Variants in THOC2 observed in about 807,000 individuals in gnomAD.
THOC2 encodes THO complex 2.
Under a neutral mutation model 128.4 loss-of-function variants are expected in THOC2, and 10 were observed. That is an observed-to-expected ratio of 0.08 (90% CI 0.05 to 0.13). The LOEUF (loss-of-function observed/expected upper bound fraction) is 0.13, where lower values mean the gene tolerates loss of function less well. THOC2 is among the 10% of genes least tolerant of loss of function. The probability of loss-of-function intolerance (pLI) is 1.00; values close to 1 mark genes in which losing one functional copy is unlikely to be tolerated. For synonymous variants in THOC2, 393 were observed against 396.9 expected (o/e 0.99, Z 0.12); for missense variants, 535 against 1,155.7 (o/e 0.46, Z 7.79).
At chrX:123,661,203 G>C (rs1603281858) in intron 12 of THOC2, among the ~76,000 whole-genome samples, 1 of 111,676 alleles carries the variant, frequency 9.0e-6, no homozygotes, top group South Asian at 3.7e-4. Context: ...TCAGGAGTTC[G>C]AGACCAGCGT....
intron 8 of THOC2, among the ~76,000 whole-genome samples, chrX:123,672,047 T>C (rs1191164009): frequency 3.6e-5 from 4 of 112,494 alleles, no homozygotes; most frequent in African/African-American, 1.3e-4. Context: ...CACAGCTGAA[T>C]AGCATAAGTG....
At chrX:123,717,923 C>A (rs1365648286) in intron 1 of THOC2, among the ~76,000 whole-genome samples, 1 of 112,468 alleles carries the variant, frequency 8.9e-6, no homozygotes, top group Non-Finnish European at 1.9e-5. Context: ...CGGATTCAAC[C>A]AACTGTAGAT....
rs148774909 is a variant in THOC2 at position 123,650,004 on chromosome X, G to A, written c.1387-4629C>T. On this transcript the variant is annotated intron_variant, in intron 12 of 38. Coordinates refer to ENST00000245838, the MANE Select transcript of THOC2 (RefSeq NM_001081550.2). ...AAGAGCAACCCCAAGACACATAATC[G>A]TCAGATTCACCAAGGTTGAAACGAA... Among the ~76,000 whole-genome samples, 13 of 111,043 alleles carry A rather than the reference G, an allele frequency of 1.2e-4. No individual in the cohort carries two copies. In the East Asian group the frequency reaches 2.3e-3, roughly 19 times the overall value.
intron 12 of THOC2, among the ~76,000 whole-genome samples, chrX:123,657,654 A>AC (rs2048656570): frequency 9.1e-6 from 1 of 110,066 alleles, no homozygotes. Context: ...TAAAAAAAAA[A>AC]ACTAGAATTC....
chrX:123,708,050 C>A (rs2051010548), intron 2 of THOC2, among the ~76,000 whole-genome samples: 1 of 108,923 alleles, frequency 9.2e-6, no homozygotes. Flanking sequence ...GAACTTAAGC[C>A]CAGGAGATCA....
intron 1 of THOC2, among the ~76,000 whole-genome samples, chrX:123,731,472 T>C (rs1325919372): frequency 8.9e-6 from 1 of 112,216 alleles, no homozygotes; most frequent in Non-Finnish European, 1.9e-5. Context: ...GCATGAGCTG[T>C]CCTGAGAAGT....
chrX:123,656,888 T>C (rs1288485081), intron 12 of THOC2, among the ~76,000 whole-genome samples: 1 of 109,033 alleles, frequency 9.2e-6, no homozygotes, highest in African/African-American at 3.4e-5. Context: ...CGCATGCTTA[T>C]AGTCCCAGCT....
intron 19 of THOC2, among the ~76,000 whole-genome samples, chrX:123,635,252 A>C: frequency 8.9e-6 from 1 of 111,919 alleles, no homozygotes; most frequent in Non-Finnish European, 1.9e-5. Context: ...AATGATATAT[A>C]TTCTCCTGGC....
intron 8 of THOC2, among the ~76,000 whole-genome samples, chrX:123,681,723 A>G (rs2049790608): frequency 8.9e-6 from 1 of 112,340 alleles, no homozygotes; most frequent in African/African-American, 3.2e-5. Flanking sequence ...TTAGATCATC[A>G]TGTGAACATA....
intron 2 of THOC2, among the ~76,000 whole-genome samples, chrX:123,707,962 T>C (rs1436468464): frequency 9.7e-6 from 1 of 103,218 alleles, no homozygotes; most frequent in African/African-American, 3.6e-5. Context: ...ACCTCATCTC[T>C]ACTAAAAAAA....
chrX:123,641,234 T>TA (rs935811187), intron 15 of THOC2, among the ~76,000 whole-genome samples: 2 of 112,386 alleles, frequency 1.8e-5, no homozygotes, highest in African/African-American at 6.4e-5. Flanking sequence ...TATGAATTCT[T>TA]ACAGTTCAAA....
chrX:123,677,472 T>G (rs1400824480), intron 8 of THOC2, among the ~76,000 whole-genome samples: 1 of 112,362 alleles, frequency 8.9e-6, no homozygotes, highest in Non-Finnish European at 1.9e-5. Flanking sequence ...TTTTTTTAAC[T>G]TTTTGACTTT....
chrX:123,725,740 A>G (rs1416965129), intron 1 of THOC2, among the ~76,000 whole-genome samples: 1 of 111,615 alleles, frequency 9.0e-6, no homozygotes, highest in Non-Finnish European at 1.9e-5. Flanking sequence ...CAACACAGAA[A>G]TAACATCTGC....
intron 2 of THOC2, among the ~76,000 whole-genome samples, chrX:123,711,195 G>GTTTTTTTTTTT (rs763172522): frequency 1.1e-5 from 1 of 94,205 alleles, no homozygotes; most frequent in African/African-American, 4.1e-5. Context: ...ATTTTTTTTT[G>GTTTTTTTTTTT]TTTTTGTTTT....
intron 1 of THOC2, among the ~76,000 whole-genome samples, chrX:123,727,454 T>C (rs2148001678): frequency 9.0e-6 from 1 of 111,488 alleles, no homozygotes; most frequent in Admixed American, 9.6e-5. Flanking sequence ...ACCTAAATTA[T>C]AGGGAGAGGA....
At chrX:123,615,454 C>T (rs777335725) in intron 33 of THOC2, among the ~76,000 whole-genome samples, 11 of 110,498 alleles carry the variant, frequency 1.0e-4, no homozygotes, top group East Asian at 5.6e-4. Context: ...AGCAAGAGAA[C>T]GATAGTCATA....
chrX:123,628,123 C>A (rs1569341484), intron 22 of THOC2, among the ~76,000 whole-genome samples, 155 bp from the exon 23 acceptor site: 1 of 111,748 alleles, frequency 8.9e-6, no homozygotes, highest in Non-Finnish European at 1.9e-5. Flanking sequence ...TTATGAACAA[C>A]GTTTATTTTA....
intron 12 of THOC2, among the ~76,000 whole-genome samples, chrX:123,650,699 AAAAGAC>A (rs1230471211): frequency 8.9e-6 from 1 of 112,078 alleles, no homozygotes; most frequent in Non-Finnish European, 1.9e-5. Flanking sequence ...AAAGATCAAA[AAAAGAC>A]AAAGAGAGGC....
Position 123,627,853 on chromosome X carries a change from G to A in THOC2, c.2597C>T (p.Ser866Phe). ...VMAPVHEAVVSLHVSKVWDDI... is the reference protein window; with the variant it reads ...VMAPVHEAVVFLHVSKVWDDI... Reference sequence around the variant, plus strand: ...ATCCCAGACTTTGGAAACATGTAAGGAGACCACTGCTTCATGGACAGGCGC... The same window carrying A: ...ATCCCAGACTTTGGAAACATGTAAGAAGACCACTGCTTCATGGACAGGCGC... Residue 866 changes from serine (S) to phenylalanine (F), a missense_variant, in exon 23 of 39, where the codon TCC becomes TTC. By Grantham distance (155) the Ser-to-Phe change is radical. Coordinates refer to ENST00000245838, the MANE Select transcript of THOC2 (RefSeq NM_001081550.2). 8.3e-7 allele frequency: 1 copy of A among 1,211,824 alleles called. No individual in the cohort carries two copies. Among genetic ancestry groups the A allele is most frequent in the Non-Finnish European group, 1.1e-6 (1 of 895,487 alleles).
Sources: gnomAD v4.1 joint callset for allele counts (sites outside exome capture counted in the v4.1 genomes callset) on GRCh38, gnomAD v4.1.1 for gene constraint, MANE v1.5 for transcripts, NCBI Gene and HGNC (gene_info 2026-07-23, HGNC 2026-07-21) for gene names.